FAM234A: variants seen among roughly 807,000 people sequenced by gnomAD.
The protein encoded by FAM234A is family with sequence similarity 234 member A.
In FAM234A, 42 loss-of-function variants were observed where a neutral mutation model predicts 49.1. That is an observed-to-expected ratio of 0.86 (90% confidence interval 0.67 to 1.11). The LOEUF (loss-of-function observed/expected upper bound fraction) is 1.11. FAM234A is among the 50% of genes least tolerant of loss of function. The probability of loss-of-function intolerance (pLI) is 0.00; values close to 1 mark genes in which losing one functional copy is unlikely to be tolerated. For missense variants in FAM234A, 815 were observed against 745.2 expected, an observed-to-expected ratio of 1.09 and a Z score of -1.09; for synonymous variants, 369 against 316.2, an observed-to-expected ratio of 1.17 and a Z score of -1.77.
chr16:267,869 G>A (rs2051740933), downstream of FAM234A, among the ~76,000 whole-genome samples: 1 of 138,288 alleles, frequency 7.2e-6, no homozygotes, highest in African/African-American at 2.8e-5. Context: ...TGCTACACAT[G>A]CATCCTACAC....
chr16:244,235 T>C (rs2050722594), intron 1 of FAM234A, among the ~76,000 whole-genome samples: 1 of 152,226 alleles, frequency 6.6e-6, no homozygotes, highest in Non-Finnish European at 1.5e-5. Context: ...CCCAAAGTGC[T>C]GGGATTACAG....
chr16:263,219 GC>G, intron 8 of FAM234A, 42 bp from the exon 9 acceptor site: 1 of 1,599,664 alleles, frequency 6.3e-7, no homozygotes. Flanking sequence ...GCCTGAGGCC[GC>G]CCCGGGGACC....
intron 11 of FAM234A, 130 bp downstream of exon 11, chr16:264,301 A>G: frequency 9.7e-7 from 1 of 1,030,238 alleles, no homozygotes; most frequent in Middle Eastern, 3.2e-4. Context: ...GTCCAGTGAC[A>G]GTCAGGATGA....
chr16:259,482 G>A lies in FAM234A; in HGVS notation c.269-1G>A. The A allele has an allele frequency of 6.4e-7, 1 of 1,569,272 alleles. No homozygotes were observed. The highest frequency in any genetic ancestry group is 8.8e-7 in the Non-Finnish European group (1 of 1,139,830). On this transcript the variant is annotated splice_acceptor_variant, in intron 3 of 12. Transcript: ENST00000399932. LOFTEE classifies it high-confidence loss of function. Reference sequence around the variant, plus strand: ...GTATAGTCTGTGGTTTTCTCTTTCAGTTATCTATGACTTTCTGGCTGTGGA... The same window carrying A: ...GTATAGTCTGTGGTTTTCTCTTTCAATTATCTATGACTTTCTGGCTGTGGA...
intron 2 of FAM234A, among the ~76,000 whole-genome samples, chr16:251,782 T>A (rs2051023990): frequency 7.0e-6 from 1 of 142,772 alleles, no homozygotes; most frequent in Non-Finnish European, 1.5e-5. Context: ...TGCGGGTGGA[T>A]CACGAGGTCA....
chr16:261,952 C>G, intron 6 of FAM234A, 141 bp from the exon 7 acceptor site: 1 of 1,194,740 alleles, frequency 8.4e-7, no homozygotes, highest in South Asian at 1.5e-5. Flanking sequence ...TAGAGTGCCC[C>G]GCCCCCAGGC....
intron 10 of FAM234A, 36 bp from the exon 11 acceptor site, chr16:263,980 C>A (rs747675180): frequency 4.4e-6 from 7 of 1,592,896 alleles, no homozygotes; most frequent in South Asian, 1.1e-5. Flanking sequence ...CCGGTAGCCC[C>A]CACGTTGGCC....
intron 1 of FAM234A, among the ~76,000 whole-genome samples, chr16:238,128 C>T (rs2050467539): frequency 6.6e-6 from 1 of 152,154 alleles, no homozygotes; most frequent in Non-Finnish European, 1.5e-5. Flanking sequence ...AAGCGATTCT[C>T]CTGCCTCAGC....
At position 262,369 on chromosome 16, in the gene FAM234A, G is replaced by A. The variant is rs199806382; in HGVS notation, c.842-55G>A. ...CTCCATGTGGCACTGCGTGCCCCTGGTCCGGGTTCACAGCGTGACCCTGGT... is the reference window on the plus strand; with the variant it reads ...CTCCATGTGGCACTGCGTGCCCCTGATCCGGGTTCACAGCGTGACCCTGGT... On this transcript the variant is annotated intron_variant, in intron 7 of 12. Coordinates refer to ENST00000399932, the MANE Select transcript of FAM234A (RefSeq NM_032039.4). The A allele has an allele frequency of 4.7e-3, 7,258 of 1,558,330 alleles. 30 individuals carry two copies. The highest frequency in any genetic ancestry group is 0.012 in the Middle Eastern group (72 of 5,780).
At chr16:253,702 C>T (rs1378077023) in intron 2 of FAM234A, 1 of 152,274 alleles carries the variant, frequency 6.6e-6, no homozygotes, top group Non-Finnish European at 1.5e-5. Context: ...TCTTGATCTC[C>T]TGACCTCGTG....
At chr16:254,741 G>A (rs1363021781) in intron 3 of FAM234A, 60 bp downstream of exon 3, 4 of 1,553,588 alleles carry the variant, frequency 2.6e-6, no homozygotes, top group South Asian at 1.1e-5. Context: ...GGGATGGGGC[G>A]GAGGGGGCAG....
intron 1 of FAM234A, among the ~76,000 whole-genome samples, chr16:243,445 A>G (rs1690902856): frequency 1.3e-5 from 2 of 152,180 alleles, no homozygotes; most frequent in Admixed American, 6.5e-5. Flanking sequence ...TTTCTCTGCC[A>G]GTCAGGTTCC....
chr16:243,972 A>AT (rs72357722), intron 1 of FAM234A, among the ~76,000 whole-genome samples: 13,766 of 145,012 alleles, frequency 0.095, 787 homozygotes, highest in East Asian at 0.29. Context: ...AAGGAAAATG[A>AT]TTTTTTTTTT....
chr16:266,803 T>C (rs1381653856), downstream of FAM234A, among the ~76,000 whole-genome samples: 1 of 152,008 alleles, frequency 6.6e-6, no homozygotes, highest in African/African-American at 2.4e-5. Flanking sequence ...GGACGCGTCC[T>C]ATAAGTGAGA....
At chr16:259,077 G>A (rs1049116795) in intron 3 of FAM234A, among the ~76,000 whole-genome samples, 4 of 152,128 alleles carry the variant, frequency 2.6e-5, no homozygotes, top group Admixed American at 6.6e-5. Flanking sequence ...CACCTTGCCC[G>A]GCCAACTTCA....
intron 5 of FAM234A, chr16:260,615 G>T (rs572906228): frequency 2.1e-6 from 1 of 473,878 alleles, no homozygotes; most frequent in Admixed American, 2.3e-5. Context: ...AGCCGGCCTC[G>T]TGGAAGGACG....
intron 1 of FAM234A, among the ~76,000 whole-genome samples, chr16:242,406 G>C (rs189952534): frequency 1.3e-5 from 2 of 152,100 alleles, no homozygotes; most frequent in East Asian, 3.9e-4. Context: ...TAGAGTCGGG[G>C]TTTCACCATG....
At position 264,989 on chromosome 16, in the gene FAM234A, G is replaced by A. The variant is rs754496939; in HGVS notation, c.1626G>A (p.Arg542=). The stretch of plus-strand genomic sequence containing the variant: ...ACAGTGACCAAGCCATCAGGGACCG[G>A]TTCTCCCGGCTGCGGTACCAGAGTG... ...GPDSDQAIRD[R]FSRLRYQSEA Residue 542 remains arginine (R), a synonymous_variant, in exon 13 of 13, where the codon CGG becomes CGA. Coordinates refer to ENST00000399932, the MANE Select transcript of FAM234A (RefSeq NM_032039.4). 4.5e-5 allele frequency: 73 copies of A among 1,611,058 alleles called. No individual in the cohort carries two copies. The highest frequency in any genetic ancestry group is 4.8e-5 in the Non-Finnish European group (56 of 1,178,690).
chr16:250,017 C>T (rs1169306401), intron 2 of FAM234A, among the ~76,000 whole-genome samples: 1 of 152,202 alleles, frequency 6.6e-6, no homozygotes, highest in Admixed American at 6.5e-5. Flanking sequence ...GCGATCTCGG[C>T]TCACTGCAAG....
Sources: gnomAD v4.1 joint callset for allele counts (sites outside exome capture counted in the v4.1 genomes callset) on GRCh38, gnomAD v4.1.1 for gene constraint, MANE v1.5 for transcripts, NCBI Gene and HGNC (gene_info 2026-07-23, HGNC 2026-07-21) for gene names.